The following TENM2 variants were observed in gnomAD, a reference collection of about 807,000 sequenced individuals.
TENM2 encodes the protein teneurin transmembrane protein 2, also known as teneurin-2.
A neutral mutation model predicts 245.2 loss-of-function variants in TENM2; 52 were observed. The ratio of observed to expected loss-of-function variants is 0.21; its 90% confidence interval spans 0.17 to 0.27. TENM2 has a LOEUF of 0.27. Among genes scored for constraint, TENM2 ranks in the 10% least tolerant of loss-of-function variants. The pLI, the probability that TENM2 is intolerant of heterozygous loss-of-function variation, is 1.00. For missense variants in TENM2, 3,046 were observed against 3,666.8 expected (o/e 0.83, Z 4.37); for synonymous variants, 1,363 against 1,438.9 (o/e 0.95, Z 1.19).
At chr5:168,215,706 A>T (rs6879767) in intron 21 of TENM2, among the ~76,000 whole-genome samples, 125,395 of 152,228 alleles carry the variant, frequency 0.82, 52,357 homozygotes, top group East Asian at 0.96. Context: ...TTATTTGAAG[A>T]AAACTTTATC....
At chr5:167,957,408 A>G (rs1478311189) in intron 4 of TENM2, among the ~76,000 whole-genome samples, 1 of 151,912 alleles carries the variant, frequency 6.6e-6, no homozygotes, top group African/African-American at 2.4e-5. Context: ...TATTTTGTTA[A>G]TCTTCTCAAA....
chr5:167,211,242 G>A, the TENM2 span, among the ~76,000 whole-genome samples: 1 of 152,190 alleles, frequency 6.6e-6, no homozygotes, highest in African/African-American at 2.4e-5. Context: ...TGAAACTGCC[G>A]TCAACCTGCT....
rs1418652787 is a variant in TENM2 at position 168,199,747 on chromosome 5, C to T, written c.3163-117C>T. 9.1e-6 allele frequency: 10 copies of T among 1,101,032 alleles called. No homozygotes were observed. The African/African-American group carries it at 1.3e-4, about 14-fold the overall frequency. 68.2% of individuals were successfully genotyped at this position (1,101,032 alleles called of 1,614,324 possible). On this transcript the variant is annotated intron_variant, in intron 16 of 28. Transcript: ENST00000518659. ...TCTCAGTGGTGGTAAGTGGTTCTTGCACCCACATAAGATGTGATGCCTCAG... is the reference window on the plus strand; with the variant it reads ...TCTCAGTGGTGGTAAGTGGTTCTTGTACCCACATAAGATGTGATGCCTCAG...
chr5:167,265,463 C>G, the TENM2 span, among the ~76,000 whole-genome samples: 1 of 151,420 alleles, frequency 6.6e-6, no homozygotes, highest in Non-Finnish European at 1.5e-5. Context: ...ACTTCAAGTT[C>G]AGGTGACGGT....
At chr5:167,297,251 TA>T (rs1304081818) in intron 1 of TENM2, among the ~76,000 whole-genome samples, 2 of 152,184 alleles carry the variant, frequency 1.3e-5, no homozygotes, top group African/African-American at 4.8e-5. Flanking sequence ...TTTAGGTTAA[TA>T]AATGCAATAT....
chr5:168,020,400 G>A (rs763690757), intron 5 of TENM2, among the ~76,000 whole-genome samples: 22 of 152,188 alleles, frequency 1.4e-4, no homozygotes, highest in Admixed American at 8.5e-4. Flanking sequence ...TTAATTTTGT[G>A]CTTGTTTAAC....
intron 2 of TENM2, among the ~76,000 whole-genome samples, chr5:167,859,341 C>T (rs1289487983): frequency 1.1e-3 from 140 of 126,754 alleles, no homozygotes; most frequent in African/African-American, 2.5e-3. Context: ...AAGTGAGGAG[C>T]GTCTCCGCCC....
intron 2 of TENM2, among the ~76,000 whole-genome samples, chr5:167,738,904 T>C (rs1020206781): frequency 6.6e-6 from 1 of 152,182 alleles, no homozygotes; most frequent in Non-Finnish European, 1.5e-5. Flanking sequence ...TTAAATGCCC[T>C]ATCTCCACAT....
chr5:167,474,809 C>T (rs777896633), intron 2 of TENM2, among the ~76,000 whole-genome samples: 24 of 152,312 alleles, frequency 1.6e-4, no homozygotes, highest in Non-Finnish European at 2.9e-4. Flanking sequence ...AGCCATTGCA[C>T]TTGGCCTAAA....
At chr5:167,039,171 T>G in the TENM2 span, among the ~76,000 whole-genome samples, 2 of 152,146 alleles carry the variant, frequency 1.3e-5, no homozygotes, top group Non-Finnish European at 2.9e-5. Flanking sequence ...AACTTTAACA[T>G]GTTCAGAGCT....
chr5:167,713,513 C>T (rs933700153), intron 2 of TENM2, among the ~76,000 whole-genome samples: 1 of 152,074 alleles, frequency 6.6e-6, no homozygotes, highest in Non-Finnish European at 1.5e-5. Flanking sequence ...GGAACACCTC[C>T]ATGAATGCTG....
the TENM2 span, among the ~76,000 whole-genome samples, chr5:167,274,338 ATTCC>A: frequency 2.0e-5 from 3 of 152,188 alleles, no homozygotes; most frequent in Middle Eastern, 3.4e-3. Flanking sequence ...TCTCTAGTGC[ATTCC>A]TTTTCACTGC....
intron 2 of TENM2, among the ~76,000 whole-genome samples, chr5:167,655,789 T>C (rs1276919007): frequency 6.6e-6 from 1 of 152,192 alleles, no homozygotes; most frequent in Non-Finnish European, 1.5e-5. Context: ...GTGAGTTTTG[T>C]TGAAACGTTT....
intron 2 of TENM2, among the ~76,000 whole-genome samples, chr5:167,681,609 C>G (rs1402765689): frequency 1.5e-5 from 2 of 134,364 alleles, no homozygotes; most frequent in Non-Finnish European, 3.1e-5. Context: ...CATCCATATT[C>G]TAGCTATGTA....
intron 2 of TENM2, among the ~76,000 whole-genome samples, chr5:167,781,402 T>C (rs1764178107): frequency 6.6e-6 from 1 of 152,096 alleles, no homozygotes; most frequent in Non-Finnish European, 1.5e-5. Context: ...AAATATTAAG[T>C]AAATAATAAT....
chr5:167,309,315 C>A (rs1014381091), intron 1 of TENM2, among the ~76,000 whole-genome samples: 1 of 152,152 alleles, frequency 6.6e-6, no homozygotes. Flanking sequence ...TACTATGATG[C>A]AAAAGCGATA....
At chr5:167,455,645 G>C (rs1188018105) in intron 2 of TENM2, among the ~76,000 whole-genome samples, 2 of 152,096 alleles carry the variant, frequency 1.3e-5, no homozygotes, top group African/African-American at 4.8e-5. Context: ...TGCTGTCCCA[G>C]TTATCTTTGA....
At chr5:167,749,464 C>A (rs899022259) in intron 2 of TENM2, among the ~76,000 whole-genome samples, 3 of 151,922 alleles carry the variant, frequency 2.0e-5, no homozygotes, top group African/African-American at 7.3e-5. Flanking sequence ...TTGATGAAAC[C>A]CTGCCTCTAC....
In TENM2 at chr5:168,063,764, A is replaced by G. The variant is rs545471134; in HGVS notation, c.1515+1499A>G. On this transcript the variant is annotated intron_variant, in intron 7 of 28. Transcript: ENST00000518659. The stretch of plus-strand genomic sequence containing the variant: ...CCATATAACTCTTAAGGCAGCCACT[A>G]TCAATCGACCATTGTTGGCTCTCAA... Among the ~76,000 whole-genome samples the G allele has an allele frequency of 4.6e-5, 7 of 152,292 alleles. No individual in the cohort carries two copies. The East Asian group carries it at 1.2e-3, about 25-fold the overall frequency.
Sources: allele counts gnomAD v4.1 joint callset (sites outside exome capture counted in the v4.1 genomes callset), GRCh38; gene constraint gnomAD v4.1.1; transcripts MANE v1.5; gene names NCBI Gene and HGNC (gene_info 2026-07-23, HGNC 2026-07-21).